Variants in CD1B observed in about 807,000 individuals in gnomAD.
The protein encoded by CD1B is CD1b molecule, also known as T-cell surface glycoprotein CD1b.
CD1B carries 43 observed loss-of-function variants against 39.8 expected under a neutral mutation model. The observed-to-expected ratio is 1.08, with a 90% CI of 0.85 to 1.39. CD1B has a LOEUF of 1.39. CD1B is among the 40% of genes most tolerant of loss of function. CD1B has a pLI of 0.00. For missense variants in CD1B, 495 were observed against 403.8 expected (o/e 1.23, Z -1.94); for synonymous variants, 192 against 152.5 (o/e 1.26, Z -1.91).
At chr1:158,322,260 A>G in the CD1B span, among the ~76,000 whole-genome samples, 2 of 152,154 alleles carry the variant, frequency 1.3e-5, no homozygotes, top group African/African-American at 4.8e-5. Context: ...ATTTAAAGGC[A>G]GGGTCTTACT....
the CD1B span, chr1:158,292,943 G>T: frequency 4.7e-6 from 7 of 1,480,678 alleles, no homozygotes; most frequent in Non-Finnish European, 6.5e-6. Flanking sequence ...AGGAAATTTT[G>T]AGGATAGCAG....
At chr1:158,317,917 T>C in the CD1B span, among the ~76,000 whole-genome samples, 3 of 152,246 alleles carry the variant, frequency 2.0e-5, no homozygotes, top group Non-Finnish European at 4.4e-5. Context: ...CATTTCATTA[T>C]GTACCCAGTA....
chr1:158,312,052 G>C, the CD1B span, among the ~76,000 whole-genome samples: 1 of 152,140 alleles, frequency 6.6e-6, no homozygotes, highest in African/African-American at 2.4e-5. Context: ...TATTTTGATA[G>C]AGATTACATT....
chr1:158,313,096 T>C, the CD1B span, among the ~76,000 whole-genome samples: 4 of 151,214 alleles, frequency 2.6e-5, no homozygotes. Context: ...TCTGTTTCTA[T>C]TGAAATGATT....
At chr1:158,291,114 T>C in the CD1B span, 1 of 1,609,534 alleles carries the variant, frequency 6.2e-7, no homozygotes, top group East Asian at 2.2e-5. Flanking sequence ...TTACACTACT[T>C]GCCCTTCTTC....
chr1:158,318,572 G>C, the CD1B span, among the ~76,000 whole-genome samples: 1 of 152,078 alleles, frequency 6.6e-6, no homozygotes, highest in African/African-American at 2.4e-5. Context: ...CACGTGAGAT[G>C]GGTTTCCTGA....
the CD1B span, among the ~76,000 whole-genome samples, chr1:158,308,962 A>G: frequency 2.0e-5 from 3 of 152,176 alleles, no homozygotes; most frequent in African/African-American, 4.8e-5. Context: ...AATGGCAACA[A>G]AAGCCAAAAT....
the CD1B span, chr1:158,293,511 A>G: frequency 6.2e-7 from 1 of 1,613,904 alleles, no homozygotes; most frequent in African/African-American, 1.3e-5. Context: ...TGTGTTAAGA[A>G]CCCAGCAACC....
the CD1B span, chr1:158,291,012 A>C: frequency 3.0e-6 from 3 of 1,004,398 alleles, no homozygotes; most frequent in Non-Finnish European, 2.9e-6. Context: ...GGAAAATGGT[A>C]TAGCTAAAGT....
At chr1:158,308,711 A>T in the CD1B span, among the ~76,000 whole-genome samples, 1 of 152,236 alleles carries the variant, frequency 6.6e-6, no homozygotes, top group Non-Finnish European at 1.5e-5. Flanking sequence ...GACAAAGCTG[A>T]CAAAAACCAG....
the CD1B span, chr1:158,293,119 T>C: frequency 9.6e-7 from 1 of 1,040,350 alleles, no homozygotes; most frequent in Non-Finnish European, 1.5e-6. Context: ...ATGCAACTCA[T>C]CCAATGCATA....
chr1:158,327,914 A>T (rs1571184965), downstream of CD1B: 1 of 221,828 alleles, frequency 4.5e-6, no homozygotes. Context: ...GCAGAAAAAG[A>T]AAAGTTTTAA....
At chr1:158,287,384 A>C in the CD1B span, among the ~76,000 whole-genome samples, 3 of 152,180 alleles carry the variant, frequency 2.0e-5, no homozygotes, top group African/African-American at 7.2e-5. Context: ...TTATAAGGAC[A>C]CTAAGCCTAT....
chr1:158,314,598 T>A, the CD1B span, among the ~76,000 whole-genome samples: 1 of 152,150 alleles, frequency 6.6e-6, no homozygotes, highest in African/African-American at 2.4e-5. Flanking sequence ...GCTGTAGACT[T>A]CCCTCTTAGA....
the CD1B span, among the ~76,000 whole-genome samples, chr1:158,305,102 G>T: frequency 1.2e-4 from 18 of 152,186 alleles, 1 homozygote; most frequent in Non-Finnish European, 2.4e-4. Flanking sequence ...ACCTTGACGA[G>T]TTGAGAGAAG....
chr1:158,287,109 C>T, the CD1B span, among the ~76,000 whole-genome samples: 1 of 152,148 alleles, frequency 6.6e-6, no homozygotes, highest in Non-Finnish European at 1.5e-5. Flanking sequence ...TGTGCTAACA[C>T]AAGGCAATCA....
At chr1:158,331,107 C>T (rs761409779) in intron 1 of CD1B, 45 bp from the exon 2 acceptor site, 1 of 1,536,982 alleles carries the variant, frequency 6.5e-7, no homozygotes, top group Non-Finnish European at 8.8e-7. Context: ...AAGAGAGAAG[C>T]AGGAGACAAT....
chr1:158,290,449 G>C, the CD1B span, among the ~76,000 whole-genome samples: 2 of 152,152 alleles, frequency 1.3e-5, no homozygotes, highest in Non-Finnish European at 2.9e-5. Flanking sequence ...GGTCCAGAGG[G>C]ATGAAGCAAC....
the CD1B span, among the ~76,000 whole-genome samples, chr1:158,319,442 C>G: frequency 6.6e-6 from 1 of 152,212 alleles, no homozygotes; most frequent in African/African-American, 2.4e-5. Flanking sequence ...ACCCTTTCTT[C>G]CAGTTGATCG....
Sources: allele counts gnomAD v4.1 joint callset (sites outside exome capture counted in the v4.1 genomes callset), GRCh38; gene constraint gnomAD v4.1.1; transcripts MANE v1.5; gene names NCBI Gene and HGNC (gene_info 2026-07-23, HGNC 2026-07-21).